The following MTERF4 variants were observed in gnomAD, a reference collection of about 807,000 sequenced individuals.
MTERF4 encodes mitochondrial transcription termination factor 4, also known as transcription termination factor 4, mitochondrial.
MTERF4 carries 17 observed loss-of-function variants against 22.5 expected under a neutral mutation model. That is an observed-to-expected ratio of 0.75 (90% CI 0.52 to 1.13). MTERF4 has a LOEUF of 1.13. Among genes scored for constraint, MTERF4 ranks in the 50% most tolerant of loss-of-function variants. MTERF4 has a pLI of 0.00. For missense variants in MTERF4, 420 were observed against 466.8 expected, an observed-to-expected ratio of 0.90 and a Z score of 0.92; for synonymous variants, 165 against 175.3, an observed-to-expected ratio of 0.94 and a Z score of 0.47.
Position 241,095,709 on chromosome 2 carries a change from T to A in MTERF4, c.*289A>T. 1 of 381,840 alleles carries A rather than the reference T, an allele frequency of 2.6e-6. No homozygotes were observed. The highest frequency in any genetic ancestry group is 8.3e-5 in the South Asian group (1 of 12,052). The allele number at this position is 381,840 out of a possible 1,614,324, so 23.7% of individuals were successfully genotyped here. A position where few individuals can be genotyped will look rare whatever the true frequency, so the allele number is the denominator to read the frequency against. The stretch of plus-strand genomic sequence containing the variant: ...AAGAGAAAAAAATAAAACCAATTGT[T>A]GATATATTGAGTCCCCTTGATGTGA... On this transcript the variant is annotated 3_prime_UTR_variant, in exon 4 of 4. Coordinates refer to ENST00000391980, the MANE Select transcript of MTERF4 (RefSeq NM_182501.4).
At chr2:241,048,337 C>T in the MTERF4 span, 3 of 1,609,424 alleles carry the variant, frequency 1.9e-6, no homozygotes, top group South Asian at 2.2e-5. Context: ...TGCCAGACGC[C>T]TGCCTCTCGG....
downstream of MTERF4, chr2:241,090,117 T>C: frequency 6.7e-7 from 1 of 1,490,592 alleles, no homozygotes; most frequent in South Asian, 1.3e-5. Flanking sequence ...ACTTTTTAAC[T>C]CTTTTTAATA....
At chr2:241,079,274 C>T (rs1308048248) in intron 4 of MTERF4, among the ~76,000 whole-genome samples, 1 of 147,868 alleles carries the variant, frequency 6.8e-6, no homozygotes, top group African/African-American at 2.5e-5. Context: ...TAGCCGGGCG[C>T]AGTGGCAGGC....
chr2:241,081,413 T>C (rs762853948), intron 4 of MTERF4, among the ~76,000 whole-genome samples: 4 of 150,214 alleles, frequency 2.7e-5, no homozygotes, highest in East Asian at 1.9e-4. Context: ...TCCTCCTCCT[T>C]GTTTTTGTTT....
downstream of MTERF4, chr2:241,087,525 G>T (rs747296420): frequency 4.5e-6 from 7 of 1,558,420 alleles, no homozygotes; most frequent in Non-Finnish European, 4.3e-6. Flanking sequence ...AGCCCACAGG[G>T]TGATGGGGCA....
rs370420507 is a variant in MTERF4 at position 241,073,288 on chromosome 2, C to T, written n.2874G>A. On this transcript the variant is annotated non_coding_transcript_exon_variant, in exon 5 of 5. Transcript: ENST00000464344. This position sits in a 1 kb window ranked among gnomAD's most constrained non-coding sequence, Gnocchi z 6.6. Reference sequence around the variant, plus strand: ...TAGAACCCACAGCCTCGGCGCAGCTCGAGAACATGGAGGAAGCCCCCAAGC... The same window carrying T: ...TAGAACCCACAGCCTCGGCGCAGCTTGAGAACATGGAGGAAGCCCCCAAGC... The T allele has an allele frequency of 1.7e-5, 26 of 1,563,844 alleles. No homozygotes were observed. In the African/African-American group the frequency reaches 2.2e-4, roughly 13 times the overall value.
the MTERF4 span, chr2:241,053,162 G>A: frequency 6.2e-7 from 1 of 1,610,082 alleles, no homozygotes; most frequent in African/African-American, 1.3e-5. Context: ...GAGGTGGACT[G>A]CGGCCCCCCG....
At chr2:241,082,427 C>G (rs1279988618), downstream of MTERF4, 4 of 1,327,154 alleles carry the variant, frequency 3.0e-6, no homozygotes, top group Admixed American at 6.9e-5. Flanking sequence ...CCTCAAAGTG[C>G]TGTCTCAAAG....
At chr2:241,051,966 A>G in the MTERF4 span, 2 of 1,498,148 alleles carry the variant, frequency 1.3e-6, no homozygotes, top group Middle Eastern at 1.7e-4. The surrounding 1 kb of genome is among the most constrained non-coding windows in gnomAD (Gnocchi z 4.7). Flanking sequence ...TCTCATGAAG[A>G]GGCCCCAGCT....
the MTERF4 span, chr2:241,053,348 G>A: frequency 2.7e-5 from 42 of 1,540,270 alleles, no homozygotes; most frequent in Non-Finnish European, 3.7e-5. Flanking sequence ...GGCCCTTGGG[G>A]TGGGGCAGGT....
At chr2:241,082,070 G>A (rs934014040) in intron 4 of MTERF4, among the ~76,000 whole-genome samples, 8 of 152,152 alleles carry the variant, frequency 5.3e-5, no homozygotes, top group Non-Finnish European at 4.4e-5. Flanking sequence ...GCGGTGTCAG[G>A]AGAAGGGACT....
At chr2:241,044,158 G>A in the MTERF4 span, among the ~76,000 whole-genome samples, 13,022 of 152,148 alleles carry the variant, frequency 0.086, 647 homozygotes, top group East Asian at 0.19. Context: ...AAAGAAGTGG[G>A]ACAAGTAAAA....
downstream of MTERF4, chr2:241,094,376 T>A (rs1020471539): frequency 6.4e-6 from 3 of 471,006 alleles, no homozygotes. The surrounding 1 kb of genome is among the most constrained non-coding windows in gnomAD (Gnocchi z 4.3). Flanking sequence ...ACCGAGCTGC[T>A]TTTCTTTTGC....
chr2:241,071,718 C>T, downstream of MTERF4: 1 of 1,503,692 alleles, frequency 6.7e-7, no homozygotes, highest in Non-Finnish European at 9.0e-7. Flanking sequence ...CCCAGCCCCC[C>T]AGGTACATGC....
chr2:241,047,354 G>A, the MTERF4 span, among the ~76,000 whole-genome samples: 3 of 152,062 alleles, frequency 2.0e-5, no homozygotes, highest in Non-Finnish European at 2.9e-5. Flanking sequence ...TTCACATGAA[G>A]CAAAAGCTGA....
At chr2:241,089,206 T>C (rs2125340262), downstream of MTERF4, 1 of 1,257,130 alleles carries the variant, frequency 8.0e-7, no homozygotes, top group East Asian at 2.6e-5. Flanking sequence ...TTTATCAACA[T>C]GTCACTGCAT....
chr2:241,071,762 T>G (rs773280094), downstream of MTERF4: 24 of 1,444,328 alleles, frequency 1.7e-5, no homozygotes. Context: ...GAGGCGGCGC[T>G]CGGACTGTGG....
At chr2:241,071,937 C>G, downstream of MTERF4, 3 of 1,348,686 alleles carry the variant, frequency 2.2e-6, no homozygotes, top group Non-Finnish European at 3.1e-6. Context: ...CACTGCCACT[C>G]TCACCAGGTC....
chr2:241,049,227 C>T, the MTERF4 span: 4 of 940,292 alleles, frequency 4.3e-6, no homozygotes, highest in African/African-American at 4.9e-5. Context: ...GCCAGAGTCC[C>T]TACTTCCCTT....
Sources: gnomAD v4.1 joint callset for allele counts (sites outside exome capture counted in the v4.1 genomes callset) on GRCh38, gnomAD v4.1.1 for gene constraint, Gnocchi (gnomAD v3.1) non-coding constraint, MANE v1.5 for transcripts, NCBI Gene and HGNC (gene_info 2026-07-23, HGNC 2026-07-21) for gene names.